PSTPIP1: variants seen among roughly 807,000 people sequenced by gnomAD.
PSTPIP1 encodes the protein proline-serine-threonine phosphatase interacting protein 1, also known as proline-serine-threonine phosphatase-interacting protein 1.
In PSTPIP1, 66 loss-of-function variants were observed where a neutral mutation model predicts 69.6. The observed-to-expected ratio is 0.95, with a 90% CI of 0.78 to 1.16. PSTPIP1 has a LOEUF of 1.16. Among genes scored for constraint, PSTPIP1 ranks in the 50% most tolerant of loss-of-function variants. The pLI is 0.00. For missense variants in PSTPIP1, 603 were observed against 557.4 expected (o/e 1.08, Z -0.82); for synonymous variants, 266 against 222.7 (o/e 1.19, Z -1.73).
intron 1 of PSTPIP1, among the ~76,000 whole-genome samples, chr15:77,000,460 G>GATATAT (rs1045472754): frequency 0.016 from 2,255 of 141,682 alleles, 105 homozygotes; most frequent in African/African-American, 0.056. Context: ...TTTAAAGAGA[G>GATATAT]ATATATATAT....
chr15:77,011,087 C>A (rs538032246), intron 1 of PSTPIP1, among the ~76,000 whole-genome samples: 1 of 152,304 alleles, frequency 6.6e-6, no homozygotes, highest in African/African-American at 2.4e-5. Context: ...ATTGAGAAGG[C>A]CTATTTAAAA....
chr15:77,037,041 C>T lies in PSTPIP1; in HGVS notation c.1120-4C>T. ...ACGTCATGCGCTTTCAATCTCTTGG[C>T]CAGAACCCAGATGAGCTGGACCTGT... is the stretch of plus-strand genomic sequence containing the variant. On this transcript the variant is annotated splice_polypyrimidine_tract_variant and splice_region_variant and intron_variant, in intron 14 of 14. Coordinates refer to ENST00000558012, the MANE Select transcript of PSTPIP1 (RefSeq NM_003978.5). The T allele has an allele frequency of 2.5e-6, 4 of 1,611,660 alleles. No individual in the cohort carries two copies. Among genetic ancestry groups the T allele is most frequent in the Non-Finnish European group, 1.7e-6 (2 of 1,179,300 alleles).
chr15:77,028,687 G>C (rs1202292376), intron 7 of PSTPIP1, 35 bp downstream of exon 7: 1 of 1,484,246 alleles, frequency 6.7e-7, no homozygotes, highest in East Asian at 2.6e-5. Context: ...GGGTCGCCCA[G>C]GGCTGGGGGC....
Position 77,018,141 on chromosome 15 carries a change from GTCACAGTGCAGGGACT to G in PSTPIP1, c.37_52del (p.Cys13ProfsTer26). The G allele has an allele frequency of 6.4e-7, 1 of 1,570,546 alleles. No individual in the cohort carries two copies. Among genetic ancestry groups the G allele is most frequent in the Non-Finnish European group, 8.6e-7 (1 of 1,158,586 alleles). ...GCCCTCATGTGTCCTTCTGTCCTGT[GTCACAGTGCAGGGACT>G]TCACAGCCCACACGGGCTACGAGGT... On this transcript the variant is annotated splice_acceptor_variant and splice_polypyrimidine_tract_variant and coding_sequence_variant and intron_variant, in exon 2 of 15. Coordinates refer to ENST00000558012, the MANE Select transcript of PSTPIP1 (RefSeq NM_003978.5). LOFTEE classifies it high-confidence loss of function.
At chr15:77,021,043 C>A (rs564503175) in intron 3 of PSTPIP1, among the ~76,000 whole-genome samples, 4 of 152,182 alleles carry the variant, frequency 2.6e-5, no homozygotes, top group African/African-American at 9.7e-5. Context: ...CCTTGCAGAA[C>A]GGGCAGGGGA....
At position 76,995,491 on chromosome 15, in the gene PSTPIP1, T is replaced by C. The variant is rs1365380083; in HGVS notation, c.-83T>C. ...GGGCCTGGGCCAGCCCTGCCAGGAC[T>C]GGGACGCTGCTGCTGGCGCCTGGCC... On this transcript the variant is annotated 5_prime_UTR_variant, in exon 1 of 15. Coordinates refer to ENST00000558012, the MANE Select transcript of PSTPIP1 (RefSeq NM_003978.5). 1.2e-6 allele frequency: 2 copies of C among 1,609,920 alleles called. No individual in the cohort carries two copies. The highest frequency in any genetic ancestry group is 1.7e-6 in the Non-Finnish European group (2 of 1,178,338).
intron 1 of PSTPIP1, among the ~76,000 whole-genome samples, chr15:77,002,189 C>A (rs2075723061): frequency 6.6e-6 from 1 of 152,228 alleles, no homozygotes; most frequent in South Asian, 2.1e-4. Flanking sequence ...GGACCTAAGG[C>A]ACGGCAGGTC....
Position 77,031,241 on chromosome 15 carries a change from G to A in PSTPIP1, c.704G>A (p.Ser235Asn). ...CTCCGCAACGCCCTGTGGGTGCACAGCAACCAGCTCTCCATGCAGTGTGTC... is the reference window on the plus strand; with the variant it reads ...CTCCGCAACGCCCTGTGGGTGCACAACAACCAGCTCTCCATGCAGTGTGTC... ...TILRNALWVH[S>N]NQLSMQCVKD... Residue 235 changes from serine to asparagine, a missense_variant, in exon 10 of 15, where the codon AGC becomes AAC. Coordinates refer to ENST00000558012, the MANE Select transcript of PSTPIP1 (RefSeq NM_003978.5). 1 of 1,613,084 alleles carries A rather than the reference G, an allele frequency of 6.2e-7. No individual in the cohort carries two copies. The highest frequency in any genetic ancestry group is 1.7e-4 in the Middle Eastern group (1 of 6,054).
intron 1 of PSTPIP1, among the ~76,000 whole-genome samples, chr15:77,004,816 G>A (rs950911415): frequency 1.3e-5 from 2 of 151,846 alleles, no homozygotes; most frequent in Admixed American, 6.6e-5. Context: ...CTGTATGATC[G>A]CACCACTGCA....
At chr15:77,029,709 A>G (rs938881713) in intron 8 of PSTPIP1, 135 bp downstream of exon 8, 107 of 1,057,900 alleles carry the variant, frequency 1.0e-4, no homozygotes, top group Non-Finnish European at 1.3e-4. Flanking sequence ...CATTCCAGAT[A>G]TGTGCCGTCA....
At chr15:77,033,045 G>A (rs2076461395) in intron 12 of PSTPIP1, 93 bp downstream of exon 12, 1 of 1,248,394 alleles carries the variant, frequency 8.0e-7, no homozygotes, top group African/African-American at 1.5e-5. Flanking sequence ...CGTTCACTGA[G>A]CACCTACTAT....
chr15:76,995,399 C>G lies in PSTPIP1; in HGVS notation c.-175C>G, dbSNP rs368603281. The G allele has an allele frequency of 3.6e-5, 52 of 1,458,848 alleles. No homozygotes were observed. In the African/African-American group the frequency reaches 5.1e-4, roughly 14 times the overall value. 90.4% of individuals were successfully genotyped at this position (1,458,848 alleles called of 1,614,324 possible). ...CAAAACAGGTTGAGCTTTTTCCTCC[C>G]CTCAGAAGCTCCTCTCTGGCTCGTG... On this transcript the variant is annotated 5_prime_UTR_variant, in exon 1 of 15. Transcript: ENST00000558012.
In PSTPIP1 at chr15:77,035,847, T is replaced by C; in HGVS notation, c.1031T>C (p.Val344Ala). 6.2e-7 allele frequency: 1 copy of C among 1,610,234 alleles called. No homozygotes were observed. Among genetic ancestry groups the C allele is most frequent in the Non-Finnish European group, 8.5e-7 (1 of 1,179,592 alleles). ...CCCACCCCCGAGCGGAATGAGGGTG[T>C]CTACACAGCCATCGCAGTGCAGGAG... Reference protein sequence around the residue: ...LTPTPERNEGVYTAIAVQEIQ... With the variant: ...LTPTPERNEGAYTAIAVQEIQ... Residue 344 changes from valine (V) to alanine (A), a missense_variant, in exon 14 of 15, where the codon GTC (valine) becomes GCC (alanine). Coordinates refer to ENST00000558012, the MANE Select transcript of PSTPIP1 (RefSeq NM_003978.5).
At chr15:77,007,210 C>G (rs1378372755) in intron 1 of PSTPIP1, among the ~76,000 whole-genome samples, 1 of 152,188 alleles carries the variant, frequency 6.6e-6, no homozygotes, top group Non-Finnish European at 1.5e-5. Context: ...CAAGGAGGGT[C>G]TGGAGGGAAG....
At chr15:77,020,296 T>C (rs2076135234) in intron 3 of PSTPIP1, among the ~76,000 whole-genome samples, 1 of 152,154 alleles carries the variant, frequency 6.6e-6, no homozygotes, top group Non-Finnish European at 1.5e-5. Flanking sequence ...ACTTATCCTT[T>C]GTGTGGCCCT....
chr15:77,035,376 G>C (rs2152691542), intron 12 of PSTPIP1, 132 bp from the exon 13 acceptor site: 1 of 941,138 alleles, frequency 1.1e-6, no homozygotes, highest in South Asian at 1.5e-5. Context: ...ATCCATGCCT[G>C]GAGGCTAGGG....
At chr15:77,011,097 A>C (rs1449057752) in intron 1 of PSTPIP1, among the ~76,000 whole-genome samples, 1 of 152,208 alleles carries the variant, frequency 6.6e-6, no homozygotes, top group Non-Finnish European at 1.5e-5. Flanking sequence ...CCTATTTAAA[A>C]GAACAAAGCT....
intron 1 of PSTPIP1, chr15:77,007,943 C>T (rs938621887): frequency 4.4e-6 from 2 of 455,906 alleles, no homozygotes; most frequent in African/African-American, 4.0e-5. Flanking sequence ...AAGGGATTCC[C>T]TTCTTGGTCA....
In PSTPIP1 at chr15:77,037,415, A is replaced by G; in HGVS notation, c.*239A>G. On this transcript the variant is annotated 3_prime_UTR_variant, in exon 15 of 15. Coordinates refer to ENST00000558012, the MANE Select transcript of PSTPIP1 (RefSeq NM_003978.5). ...TTCAGAGGAGGCAAAGGAACAAGGG[A>G]AGGAGCCTGGATGTGGAGCTCCCCA... The G allele has an allele frequency of 2.3e-6, 1 of 437,830 alleles. No homozygotes were observed. The highest frequency in any genetic ancestry group is 4.8e-5 in the East Asian group (1 of 21,000). The allele number at this position is 437,830 out of a possible 1,614,324, so 27.1% of individuals were successfully genotyped here. A position where few individuals can be genotyped will look rare whatever the true frequency, so the allele number is the denominator to read the frequency against.
Sources: gnomAD v4.1 joint callset for allele counts (sites outside exome capture counted in the v4.1 genomes callset) on GRCh38, gnomAD v4.1.1 for gene constraint, MANE v1.5 for transcripts, NCBI Gene and HGNC (gene_info 2026-07-23, HGNC 2026-07-21) for gene names.